Variants in SSBP2 observed in about 807,000 individuals in gnomAD.
The protein encoded by SSBP2 is single-stranded DNA-binding protein 2.
A neutral mutation model predicts 61.8 loss-of-function variants in SSBP2; 17 were observed. The ratio of observed to expected loss-of-function variants is 0.28; its 90% confidence interval spans 0.19 to 0.41. The LOEUF is 0.41. Among genes scored for constraint, SSBP2 ranks in the 10% least tolerant of loss-of-function variants. The pLI is 1.00. For synonymous variants in SSBP2, 139 were observed against 141.3 expected (o/e 0.98, Z 0.12); for missense variants, 310 against 458.7 (o/e 0.68, Z 2.96).
At chr5:81,706,814 A>G (rs1216397302) in intron 1 of SSBP2, among the ~76,000 whole-genome samples, 1 of 152,150 alleles carries the variant, frequency 6.6e-6, no homozygotes, top group Non-Finnish European at 1.5e-5. Context: ...ATTAATCTCA[A>G]CTTTCCTTCA....
intron 1 of SSBP2, among the ~76,000 whole-genome samples, chr5:81,738,620 A>G (rs1756785825): frequency 6.6e-6 from 1 of 152,174 alleles, no homozygotes; most frequent in Non-Finnish European, 1.5e-5. Flanking sequence ...CTGTGACTAA[A>G]ACTTCTACCA....
intron 4 of SSBP2, among the ~76,000 whole-genome samples, chr5:81,577,102 T>A (rs1034499985): frequency 6.6e-6 from 1 of 152,070 alleles, no homozygotes; most frequent in South Asian, 2.1e-4. Flanking sequence ...TTATGCTACA[T>A]GTATTTTTAT....
rs573546571 is a variant in SSBP2 at position 81,562,627 on chromosome 5, C to CT, written c.283-48911dup. 3.2e-3 allele frequency among the ~76,000 whole-genome samples: 493 copies of CT among 152,266 alleles called. 4 individuals are homozygous for CT. Among genetic ancestry groups the CT allele is most frequent in the African/African-American group, 0.011 (470 of 41,540 alleles). On this transcript the variant is annotated intron_variant, in intron 4 of 16. Coordinates refer to ENST00000320672, the MANE Select transcript of SSBP2 (RefSeq NM_012446.5). Reference sequence around the variant, plus strand: ...TGAGTAGAACAAAATAAAGTGTACTCTTTTTTGAAATCCTAAAGGACATCA... The same window carrying CT: ...TGAGTAGAACAAAATAAAGTGTACTCTTTTTTTGAAATCCTAAAGGACATCA...
intron 10 of SSBP2, among the ~76,000 whole-genome samples, chr5:81,450,723 TTAGTTTA>T (rs1306237351): frequency 6.6e-6 from 1 of 152,236 alleles, no homozygotes; most frequent in Non-Finnish European, 1.5e-5. Flanking sequence ...TATTTCTCTA[TTAGTTTA>T]TAACTAAATT....
At chr5:81,445,349 C>T (rs1368510861) in intron 12 of SSBP2, among the ~76,000 whole-genome samples, 1 of 150,950 alleles carries the variant, frequency 6.6e-6, no homozygotes, top group Non-Finnish European at 1.5e-5. Flanking sequence ...GGAAGATGTA[C>T]TTGTGGCAAT....
chr5:81,485,692 T>C (rs1766327480), intron 6 of SSBP2, among the ~76,000 whole-genome samples: 1 of 152,176 alleles, frequency 6.6e-6, no homozygotes, highest in African/African-American at 2.4e-5. Context: ...TGTTTATTTT[T>C]TAGAGACCAG....
At chr5:81,598,455 C>A (rs1398186907) in intron 4 of SSBP2, among the ~76,000 whole-genome samples, 1 of 152,116 alleles carries the variant, frequency 6.6e-6, no homozygotes, top group Non-Finnish European at 1.5e-5. Flanking sequence ...TACACCCTGT[C>A]TGAATATCTG....
intron 1 of SSBP2, among the ~76,000 whole-genome samples, 197 bp from the exon 2 acceptor site, chr5:81,650,536 T>G (rs946956990): frequency 2.0e-5 from 3 of 152,100 alleles, no homozygotes; most frequent in African/African-American, 7.2e-5. Context: ...AAGTAGCACA[T>G]GAAGAAAAAG....
At chr5:81,657,796 T>C (rs1373671917) in intron 1 of SSBP2, among the ~76,000 whole-genome samples, 1 of 152,196 alleles carries the variant, frequency 6.6e-6, no homozygotes, top group Non-Finnish European at 1.5e-5. Context: ...TTCTGCAAAT[T>C]CTTTTCCTAG....
chr5:81,701,261 CACA>C (rs569747263), intron 1 of SSBP2, among the ~76,000 whole-genome samples: 1 of 152,150 alleles, frequency 6.6e-6, no homozygotes, highest in African/African-American at 2.4e-5. Context: ...TGAGAACACA[CACA>C]ACATTTATCA....
chr5:81,492,897 T>C (rs1766964560), intron 5 of SSBP2, among the ~76,000 whole-genome samples: 1 of 152,158 alleles, frequency 6.6e-6, no homozygotes, highest in South Asian at 2.1e-4. Flanking sequence ...TTTTTAGTAT[T>C]ACATTTAAAT....
chr5:81,435,015 C>T (rs1314327000), intron 15 of SSBP2, among the ~76,000 whole-genome samples: 2 of 152,088 alleles, frequency 1.3e-5, no homozygotes, highest in Admixed American at 1.3e-4. Context: ...GTACTATCAC[C>T]CAGGGGTCGG....
chr5:81,720,835 T>C (rs956417595), intron 1 of SSBP2, among the ~76,000 whole-genome samples: 8 of 152,226 alleles, frequency 5.3e-5, no homozygotes, highest in Admixed American at 5.2e-4. Context: ...TAAGATTCAT[T>C]TTACTGTTGA....
At chr5:81,749,479 C>A (rs532527905) in intron 1 of SSBP2, among the ~76,000 whole-genome samples, 1 of 152,290 alleles carries the variant, frequency 6.6e-6, no homozygotes, top group East Asian at 1.9e-4. Context: ...CAGTCGCCTG[C>A]GCATTCGGTT....
intron 4 of SSBP2, among the ~76,000 whole-genome samples, chr5:81,559,384 CAAAAAAA>C (rs36034616): frequency 8.3e-5 from 8 of 95,982 alleles, no homozygotes; most frequent in Non-Finnish European, 1.6e-4. Flanking sequence ...GAGATTTCAT[CAAAAAAA>C]AAAAAAAAAA....
intron 4 of SSBP2, among the ~76,000 whole-genome samples, chr5:81,545,034 T>G (rs562957264): frequency 3.3e-5 from 5 of 152,294 alleles, no homozygotes; most frequent in East Asian, 3.9e-4. Context: ...CTGTACAAAG[T>G]AGAGCCACCC....
chr5:81,458,118 A>T (rs1230067163), intron 10 of SSBP2, among the ~76,000 whole-genome samples: 1 of 151,892 alleles, frequency 6.6e-6, no homozygotes, highest in African/African-American at 2.4e-5. Flanking sequence ...CAAACAAACA[A>T]CCTCCCGCTC....
At chr5:81,436,314 T>C (rs1267421260) in intron 15 of SSBP2, among the ~76,000 whole-genome samples, 1 of 151,460 alleles carries the variant, frequency 6.6e-6, no homozygotes, top group Non-Finnish European at 1.5e-5. Flanking sequence ...AAAACAGGCC[T>C]CATAAATACC....
At chr5:81,665,878 T>C (rs1045468742) in intron 1 of SSBP2, among the ~76,000 whole-genome samples, 1 of 152,202 alleles carries the variant, frequency 6.6e-6, no homozygotes, top group Admixed American at 6.5e-5. Context: ...ATGATACTTA[T>C]CAATGTCCAA....
Sources: gnomAD v4.1 joint callset for allele counts (sites outside exome capture counted in the v4.1 genomes callset) on GRCh38, gnomAD v4.1.1 for gene constraint, MANE v1.5 for transcripts, NCBI Gene and HGNC (gene_info 2026-07-23, HGNC 2026-07-21) for gene names.